MANEA: variants seen among roughly 807,000 people sequenced by gnomAD.
MANEA encodes mannosidase endo-alpha.
Under a neutral mutation model 36.8 loss-of-function variants are expected in MANEA, and 25 were observed. The ratio of observed to expected loss-of-function variants is 0.68; its 90% CI spans 0.50 to 0.95. The LOEUF (loss-of-function observed/expected upper bound fraction) is 0.95. Among genes scored for constraint, MANEA ranks in the 40% least tolerant of loss-of-function variants. The pLI is 0.00. For synonymous variants in MANEA, 198 were observed against 188.5 expected (o/e 1.05, Z -0.41); for missense variants, 565 against 558.8 (o/e 1.01, Z -0.11).
chr6:95,598,634 C>T (rs140065627), intron 3 of MANEA, among the ~76,000 whole-genome samples: 282 of 152,016 alleles, frequency 1.9e-3, no homozygotes, highest in Non-Finnish European at 3.3e-3. Flanking sequence ...GTTTTATCTA[C>T]GGATAAAACA....
At chr6:95,591,924 G>T (rs944324495) in intron 2 of MANEA, among the ~76,000 whole-genome samples, 2 of 152,074 alleles carry the variant, frequency 1.3e-5, no homozygotes, top group African/African-American at 4.8e-5. Context: ...GTATGGTCTC[G>T]ATCTCCTGAG....
At chr6:95,577,841 G>C (rs9387286) in intron 1 of MANEA, among the ~76,000 whole-genome samples, 91,682 of 152,178 alleles carry the variant, frequency 0.6, 28,049 homozygotes, top group East Asian at 0.87. Context: ...GATTAACCTA[G>C]GCTGTCACTC....
chr6:95,583,199 G>A (rs1769214155), intron 1 of MANEA, among the ~76,000 whole-genome samples: 1 of 152,082 alleles, frequency 6.6e-6, no homozygotes, highest in Non-Finnish European at 1.5e-5. Flanking sequence ...TATTAGAGAG[G>A]GAGGGAACTG....
At chr6:95,580,350 A>G (rs1769156254) in intron 1 of MANEA, among the ~76,000 whole-genome samples, 1 of 152,202 alleles carries the variant, frequency 6.6e-6, no homozygotes, top group African/African-American at 2.4e-5. Context: ...GAATGTGAAG[A>G]TAAAGACTCC....
At position 95,592,937 on chromosome 6, in the gene MANEA, A is replaced by G. The variant is rs571147112; in HGVS notation, c.545-3800A>G. Among the ~76,000 whole-genome samples the G allele has an allele frequency of 2.5e-4, 38 of 152,296 alleles. 1 individual carries two copies. The South Asian group carries it at 7.9e-3, about 32-fold the overall frequency. ...CATCACTTTACTAACAACAAAAAAA[A>G]TTGACTATCAATTATATTGAAGGTC... On this transcript the variant is annotated intron_variant, in intron 2 of 4. Coordinates refer to ENST00000358812, the MANE Select transcript of MANEA (RefSeq NM_024641.4).
rs773606919 is a variant in MANEA, at chr6:95,606,061, A to C, written c.1045A>C (p.Asn349His). 1.4e-5 allele frequency: 23 copies of C among 1,613,928 alleles called. No homozygotes were observed. Among genetic ancestry groups the C allele is most frequent in the Non-Finnish European group, 1.9e-5 (23 of 1,179,834 alleles). The change falls in exon 5 of 5, where the codon AAC (asparagine) becomes CAC (histidine). Residue 349 changes from asparagine to histidine, a missense_variant. Physicochemically the swap from Asn to His is moderately conservative, Grantham distance 68. Transcript: ENST00000358812. ...CCTAAAATTATTTTGTGATAAATACAACTTAATATTTATCCCAAGTGTGGG... is the reference window on the plus strand; with the variant it reads ...CCTAAAATTATTTTGTGATAAATACCACTTAATATTTATCCCAAGTGTGGG... The part of the protein sequence containing the change: ...ASLKLFCDKY[N>H]LIFIPSVGPG...
At position 95,586,705 on chromosome 6, in the gene MANEA, C is replaced by T; in HGVS notation, c.266C>T (p.Ser89Phe). 1 of 1,613,988 alleles carries T rather than the reference C, an allele frequency of 6.2e-7. No homozygotes were observed. The highest frequency in any genetic ancestry group is 8.5e-7 in the Non-Finnish European group (1 of 1,179,980). ...ATCACTATGAAACCTTCCAAAGCCT[C>T]TGAACTTAACTTGGATGAACTACCA... ...VEITMKPSKA[S>F]ELNLDELPPL... The change falls in exon 2 of 5, where the codon TCT becomes TTT. Residue 89 changes from serine (S) to phenylalanine (F), a missense_variant. By Grantham distance (155) the Ser-to-Phe change is radical. Coordinates refer to ENST00000358812, the MANE Select transcript of MANEA (RefSeq NM_024641.4).
At chr6:95,580,739 A>AG (rs1769164822) in intron 1 of MANEA, among the ~76,000 whole-genome samples, 2 of 151,864 alleles carry the variant, frequency 1.3e-5, no homozygotes, top group Admixed American at 6.6e-5. Context: ...AAAAAAAAAA[A>AG]AAAGAAATGA....
rs139608586 is a variant in MANEA at position 95,603,545 on chromosome 6, AT to A, written c.655-1274del. Among the ~76,000 whole-genome samples the A allele has an allele frequency of 2.3e-3, 356 of 151,982 alleles. 1 individual carries two copies. Among genetic ancestry groups the A allele is most frequent in the African/African-American group, 3.9e-3 (162 of 41,480 alleles). Reference sequence around the variant, plus strand: ...AATCTCATTTAAAGTAGAAAATTATATTTTTTTTAAATATTATTTAACTTTA... The same window carrying A: ...AATCTCATTTAAAGTAGAAAATTATATTTTTTTAAATATTATTTAACTTTA... On this transcript the variant is annotated intron_variant, in intron 3 of 4. Coordinates refer to ENST00000358812, the MANE Select transcript of MANEA (RefSeq NM_024641.4).
chr6:95,595,712 ATGAGGCTT>A (rs1769469518), intron 2 of MANEA, among the ~76,000 whole-genome samples: 1 of 152,072 alleles, frequency 6.6e-6, no homozygotes, highest in Non-Finnish European at 1.5e-5. Flanking sequence ...TGTATACGTA[ATGAGGCTT>A]TGAATTAATT....
At chr6:95,582,419 G>C (rs1467147556) in intron 1 of MANEA, among the ~76,000 whole-genome samples, 1 of 151,906 alleles carries the variant, frequency 6.6e-6, no homozygotes, top group Admixed American at 6.6e-5. Flanking sequence ...TCCTGACCTC[G>C]TGATCTGCCT....
At chr6:95,605,663 C>A in intron 4 of MANEA, 85 bp from the exon 5 acceptor site, 2 of 931,290 alleles carry the variant, frequency 2.1e-6, no homozygotes, top group East Asian at 2.4e-5. Context: ...ACTGCACTGA[C>A]TCCTTCATTT....
intron 2 of MANEA, chr6:95,589,949 A>C (rs892608101): frequency 1.3e-5 from 2 of 152,132 alleles, no homozygotes; most frequent in African/African-American, 4.8e-5. Context: ...GAGGGAAAAG[A>C]GAGTCAGAGG....
At chr6:95,597,472 G>A (rs1381032665) in intron 3 of MANEA, among the ~76,000 whole-genome samples, 3 of 152,034 alleles carry the variant, frequency 2.0e-5, no homozygotes, top group Middle Eastern at 6.8e-3. Context: ...ATACTGAATA[G>A]CAAGTAAATA....
At chr6:95,580,717 G>C (rs1469518820) in intron 1 of MANEA, among the ~76,000 whole-genome samples, 5 of 133,098 alleles carry the variant, frequency 3.8e-5, no homozygotes, top group Non-Finnish European at 1.6e-5. Flanking sequence ...AGAGTGAGAC[G>C]CCGTCTCAAA....
chr6:95,606,406 T>G lies in MANEA; in HGVS notation c.*1T>G, dbSNP rs1329708184. On this transcript the variant is annotated 3_prime_UTR_variant, in exon 5 of 5. Transcript: ENST00000358812. ...AGATCGCCAGCTGCCTGTTTCTTAA[T>G]GCATTGATTAAAGTTTAATAGTTAT... 2 of 1,583,990 alleles carry G rather than the reference T, an allele frequency of 1.3e-6. No homozygotes were observed. Among genetic ancestry groups the G allele is most frequent in the Non-Finnish European group, 1.7e-6 (2 of 1,172,466 alleles).
Position 95,586,385 on chromosome 6 carries a change from T to C in MANEA, c.-38-17T>C. Reference sequence around the variant, plus strand: ...GTTGATAACACTTACTAATTATCTTTTTTCAATAAATTGCAGCAAAACACT... The same window carrying C: ...GTTGATAACACTTACTAATTATCTTCTTTCAATAAATTGCAGCAAAACACT... On this transcript the variant is annotated splice_polypyrimidine_tract_variant and intron_variant, in intron 1 of 4. Coordinates refer to ENST00000358812, the MANE Select transcript of MANEA (RefSeq NM_024641.4). 7.1e-7 allele frequency: 1 copy of C among 1,416,654 alleles called. No individual in the cohort carries two copies. The highest frequency in any genetic ancestry group is 2.1e-5 in the Admixed American group (1 of 46,596). The allele number at this position is 1,416,654 out of a possible 1,614,324, so 87.8% of individuals were successfully genotyped here. A position where few individuals can be genotyped will look rare whatever the true frequency, so the allele number is the denominator to read the frequency against.
At chr6:95,581,085 G>A (rs1420414605) in intron 1 of MANEA, among the ~76,000 whole-genome samples, 2 of 152,176 alleles carry the variant, frequency 1.3e-5, no homozygotes, top group Non-Finnish European at 2.9e-5. Flanking sequence ...TTCTATGGGT[G>A]AGGAAAGGAA....
chr6:95,601,329 A>G (rs561300134), intron 3 of MANEA, among the ~76,000 whole-genome samples: 2 of 152,334 alleles, frequency 1.3e-5, no homozygotes, highest in African/African-American at 4.8e-5. Flanking sequence ...TTAGCAAATA[A>G]TCTGGTTTTC....
Sources: allele counts gnomAD v4.1 joint callset (sites outside exome capture counted in the v4.1 genomes callset), GRCh38; gene constraint gnomAD v4.1.1; transcripts MANE v1.5; gene names NCBI Gene and HGNC (gene_info 2026-07-23, HGNC 2026-07-21).